Variants in KLHL13 observed in about 807,000 individuals in gnomAD.
The protein encoded by KLHL13 is kelch-like protein 13.
Under a neutral mutation model 37.1 loss-of-function variants are expected in KLHL13, and 10 were observed. The observed-to-expected ratio is 0.27, with a 90% CI of 0.17 to 0.46. The LOEUF (loss-of-function observed/expected upper bound fraction) is 0.46, where lower values mean the gene tolerates loss of function less well. Ranked by LOEUF, KLHL13 falls within the 20% of genes least tolerant of loss-of-function variation. KLHL13 has a pLI of 1.00. For missense variants in KLHL13, 360 were observed against 509.3 expected (o/e 0.71, Z 2.82); for synonymous variants, 163 against 181.2 (o/e 0.90, Z 0.81).
chrX:118,061,991 T>C (rs999821603), intron 1 of KLHL13, among the ~76,000 whole-genome samples: 2 of 111,387 alleles, frequency 1.8e-5, no homozygotes, highest in Non-Finnish European at 3.8e-5. Flanking sequence ...TAGAGACATC[T>C]ACTGCCCCAT....
intron 1 of KLHL13, among the ~76,000 whole-genome samples, chrX:118,034,168 A>C (rs1164901205): frequency 9.8e-6 from 1 of 102,210 alleles, no homozygotes; most frequent in East Asian, 2.8e-4. Context: ...CACTGTCAAC[A>C]TTAGACAGAT....
At chrX:118,097,634 C>A (rs1290752891) in intron 1 of KLHL13, among the ~76,000 whole-genome samples, 1 of 111,725 alleles carries the variant, frequency 9.0e-6, no homozygotes, top group Non-Finnish European at 1.9e-5. Context: ...CGATTCCAAG[C>A]CAAAAGAACA....
At chrX:117,927,293 G>A (rs1232739915) in intron 2 of KLHL13, among the ~76,000 whole-genome samples, 1 of 111,846 alleles carries the variant, frequency 8.9e-6, no homozygotes, top group Non-Finnish European at 1.9e-5. Context: ...GGCCTGGCCT[G>A]GATCCCAAGG....
intron 1 of KLHL13, among the ~76,000 whole-genome samples, chrX:117,989,335 GC>G (rs1330389974): frequency 9.0e-6 from 1 of 110,679 alleles, no homozygotes; most frequent in Admixed American, 9.7e-5. Context: ...TGACATAGCC[GC>G]TGAGAGAAGT....
At chrX:118,095,703 A>G (rs936083771) in intron 1 of KLHL13, among the ~76,000 whole-genome samples, 5 of 112,448 alleles carry the variant, frequency 4.4e-5, no homozygotes, top group Non-Finnish European at 7.5e-5. Flanking sequence ...CTCAGATCAC[A>G]GTGCAATCAA....
At chrX:118,057,470 T>C (rs781779766) in intron 1 of KLHL13, among the ~76,000 whole-genome samples, 1 of 112,464 alleles carries the variant, frequency 8.9e-6, no homozygotes, top group Non-Finnish European at 1.9e-5. Context: ...TGAGCAACAA[T>C]AGATAATTTG....
chrX:118,107,647 A>G (rs2055359914), intron 1 of KLHL13, among the ~76,000 whole-genome samples: 1 of 112,254 alleles, frequency 8.9e-6, no homozygotes, highest in Non-Finnish European at 1.9e-5. Context: ...GAGATAAACA[A>G]GGCTCAGAGA....
chrX:117,998,031 C>T (rs147822728), intron 1 of KLHL13, among the ~76,000 whole-genome samples: 5 of 110,368 alleles, frequency 4.5e-5, no homozygotes, highest in Non-Finnish European at 7.6e-5. Flanking sequence ...GAAATTGAGA[C>T]GCAGGGAAGC....
intron 1 of KLHL13, among the ~76,000 whole-genome samples, chrX:118,063,566 T>C (rs1367336733): frequency 9.0e-6 from 1 of 111,684 alleles, no homozygotes; most frequent in Non-Finnish European, 1.9e-5. Flanking sequence ...AAAACTCTTT[T>C]ATGTTTGATG....
At chrX:117,985,306 C>T (rs1235786873) in intron 1 of KLHL13, 1 of 1,136,415 alleles carries the variant, frequency 8.8e-7, no homozygotes, top group Non-Finnish European at 1.2e-6. Flanking sequence ...GGATCCCTCT[C>T]TCATCAAATT....
chrX:118,069,288 T>C (rs1434683850), intron 1 of KLHL13, among the ~76,000 whole-genome samples: 1 of 110,002 alleles, frequency 9.1e-6, no homozygotes, highest in African/African-American at 3.3e-5. Flanking sequence ...TGCACGTTAT[T>C]GCCCTGAAGA....
intron 1 of KLHL13, among the ~76,000 whole-genome samples, chrX:118,046,580 G>A (rs140882265): frequency 1.7e-4 from 19 of 112,140 alleles, no homozygotes; most frequent in African/African-American, 5.8e-4. Flanking sequence ...ATAAATGCTT[G>A]AGGGGATGGA....
intron 1 of KLHL13, among the ~76,000 whole-genome samples, chrX:117,963,936 G>A (rs1157775706): frequency 3.3e-5 from 3 of 91,067 alleles, no homozygotes; most frequent in Admixed American, 1.3e-4. Context: ...GTAAACTATC[G>A]CAAGAACAAA....
intron 1 of KLHL13, among the ~76,000 whole-genome samples, chrX:118,041,051 T>A (rs993867306): frequency 8.9e-6 from 1 of 112,293 alleles, no homozygotes; most frequent in Admixed American, 9.5e-5. Context: ...AGATCTGTCC[T>A]AGAAGAAATG....
intron 1 of KLHL13, among the ~76,000 whole-genome samples, chrX:118,102,355 T>C (rs1310586684): frequency 8.9e-6 from 1 of 112,008 alleles, no homozygotes; most frequent in Admixed American, 9.5e-5. Context: ...GGCCACATTT[T>C]CCAGCTTAGG....
chrX:118,072,692 T>C (rs1436787050), intron 1 of KLHL13, among the ~76,000 whole-genome samples: 1 of 112,211 alleles, frequency 8.9e-6, no homozygotes, highest in Admixed American at 9.5e-5. Context: ...ATTTGTCATT[T>C]TCTTATTGTT....
chrX:118,040,886 G>A (rs1050615145), intron 1 of KLHL13, among the ~76,000 whole-genome samples: 4 of 112,215 alleles, frequency 3.6e-5, no homozygotes, highest in Non-Finnish European at 7.5e-5. Context: ...AAACCTTATA[G>A]GCCAGGAGAG....
At chrX:118,086,503 T>C (rs1023928790) in intron 1 of KLHL13, among the ~76,000 whole-genome samples, 13 of 112,005 alleles carry the variant, frequency 1.2e-4, no homozygotes, top group African/African-American at 4.2e-4. Context: ...AGGTGAATTG[T>C]ATGGTATGTG....
At position 118,050,338 on chromosome X, in the gene KLHL13, C is replaced by T. The variant is rs185793553; in HGVS notation, c.-56+66170G>A. On this transcript the variant is annotated intron_variant, in intron 1 of 6. Coordinates refer to the KLHL13 transcript ENST00000371882. Reference sequence around the variant, plus strand: ...TTTTGCCAATATTGAAAGTATTATCCTTGTATTAATGCAATTCTATATGAT... The same window carrying T: ...TTTTGCCAATATTGAAAGTATTATCTTTGTATTAATGCAATTCTATATGAT... 1.2e-3 allele frequency among the ~76,000 whole-genome samples: 130 copies of T among 112,307 alleles called. 1 individual carries two copies. The highest frequency in any genetic ancestry group is 4.0e-3 in the African/African-American group (125 of 30,946).
Sources: gnomAD v4.1 joint callset for allele counts (sites outside exome capture counted in the v4.1 genomes callset) on GRCh38, gnomAD v4.1.1 for gene constraint, MANE v1.5 for transcripts, NCBI Gene and HGNC (gene_info 2026-07-23, HGNC 2026-07-21) for gene names.